NRXN3: variants seen among roughly 807,000 people sequenced by gnomAD.
The protein encoded by NRXN3 is neurexin III.
In NRXN3, 32 loss-of-function variants were observed where a neutral mutation model predicts 137.6. The observed-to-expected ratio is 0.23, with a 90% CI of 0.18 to 0.31. NRXN3 has a LOEUF of 0.31. Ranked by LOEUF, NRXN3 falls within the 10% of genes least tolerant of loss-of-function variation. NRXN3 has a pLI of 1.00. For synonymous variants in NRXN3, 798 were observed against 784.5 expected (o/e 1.02, Z -0.29); for missense variants, 1,574 against 2,062.5 (o/e 0.76, Z 4.59).
At chr14:78,804,671 A>T (rs2098850377) in intron 9 of NRXN3, among the ~76,000 whole-genome samples, 1 of 152,142 alleles carries the variant, frequency 6.6e-6, no homozygotes, top group Non-Finnish European at 1.5e-5. Context: ...AATCTTTAGA[A>T]ATTTTCCTTT....
rs2099345594 is a variant in NRXN3, at chr14:78,938,112, G to T, written c.2276-19130G>T. On this transcript the variant is annotated intron_variant, in intron 10 of 20. Coordinates refer to ENST00000335750, the MANE Select transcript of NRXN3 (RefSeq NM_001330195.2). ...ATACAGAAAGGATGAATACAGAGGA[G>T]ATCCTGTGCTGGACACATTCTCTGT... Among the ~76,000 whole-genome samples the T allele has an allele frequency of 4.6e-5, 7 of 152,364 alleles. No homozygotes were observed. In the South Asian group the frequency reaches 1.4e-3, roughly 32 times the overall value.
At chr14:78,863,492 T>C (rs950215875) in intron 10 of NRXN3, among the ~76,000 whole-genome samples, 1 of 152,086 alleles carries the variant, frequency 6.6e-6, no homozygotes, top group Non-Finnish European at 1.5e-5. Context: ...ATCAATCATA[T>C]GTGACAGATT....
chr14:78,992,047 G>A (rs529708671), intron 15 of NRXN3, among the ~76,000 whole-genome samples: 1 of 152,128 alleles, frequency 6.6e-6, no homozygotes, highest in Admixed American at 6.5e-5. Context: ...CCCTTGTATG[G>A]GGTTAGGAAA....
chr14:78,681,837 T>C (rs1221539765), intron 6 of NRXN3, among the ~76,000 whole-genome samples: 1 of 152,132 alleles, frequency 6.6e-6, no homozygotes, highest in African/African-American at 2.4e-5. Flanking sequence ...CTTTTCCTCA[T>C]TGCGTGATTG....
At chr14:78,418,863 A>T (rs547642466) in intron 4 of NRXN3, among the ~76,000 whole-genome samples, 7 of 152,240 alleles carry the variant, frequency 4.6e-5, no homozygotes, top group Non-Finnish European at 8.8e-5. Context: ...TATGTTACAG[A>T]TGAGGCACAG....
intron 16 of NRXN3, among the ~76,000 whole-genome samples, chr14:79,610,977 A>G (rs1471996817): frequency 2.0e-5 from 3 of 152,122 alleles, no homozygotes; most frequent in Non-Finnish European, 2.9e-5. Flanking sequence ...CCCCTTCTAG[A>G]GTATGGGGTT....
Position 78,757,127 on chromosome 14 carries a change from G to A in NRXN3, c.2044+41988G>A, listed in dbSNP as rs78361383. On this transcript the variant is annotated intron_variant, in intron 8 of 20. Coordinates refer to ENST00000335750, the MANE Select transcript of NRXN3 (RefSeq NM_001330195.2). The stretch of plus-strand genomic sequence containing the variant: ...AACAATGATTAAAATAGGATTCTGG[G>A]TGGAGCACAGTGCCTCACGCCTTTA... 1.1e-3 allele frequency among the ~76,000 whole-genome samples: 168 copies of A among 152,254 alleles called. 1 individual carries two copies. The highest frequency in any genetic ancestry group is 2.0e-3 in the Non-Finnish European group (139 of 68,028).
chr14:79,823,912 C>A, intron 20 of NRXN3: 1 of 450,680 alleles, frequency 2.2e-6, no homozygotes, highest in Non-Finnish European at 4.5e-6. Flanking sequence ...GACAAATTGT[C>A]CATGGATACA....
chr14:79,435,232 T>G (rs2095825628), intron 15 of NRXN3, among the ~76,000 whole-genome samples: 2 of 149,656 alleles, frequency 1.3e-5, no homozygotes, highest in Non-Finnish European at 1.5e-5. Context: ...CAGCAAGTAA[T>G]GAAGCAAGAA....
chr14:78,573,269 G>A (rs2096906601), intron 4 of NRXN3, among the ~76,000 whole-genome samples: 1 of 152,150 alleles, frequency 6.6e-6, no homozygotes, highest in Non-Finnish European at 1.5e-5. Context: ...TGGTACCACA[G>A]AGAGTAGAGT....
At chr14:79,756,374 C>T (rs1011899794) in intron 19 of NRXN3, among the ~76,000 whole-genome samples, 1 of 152,112 alleles carries the variant, frequency 6.6e-6, no homozygotes, top group African/African-American at 2.4e-5. Context: ...TTTTTCTTTT[C>T]TAGCTCTGAA....
chr14:78,593,312 C>G (rs758846210), intron 4 of NRXN3, among the ~76,000 whole-genome samples: 1 of 152,174 alleles, frequency 6.6e-6, no homozygotes, highest in Admixed American at 6.5e-5. Flanking sequence ...TGAGACTGCA[C>G]GAAGATAAAA....
At chr14:79,390,423 C>G (rs1306742694) in intron 15 of NRXN3, among the ~76,000 whole-genome samples, 1 of 152,078 alleles carries the variant, frequency 6.6e-6, no homozygotes, top group Non-Finnish European at 1.5e-5. Flanking sequence ...CATCCTCTGC[C>G]TACCTCTTTC....
At chr14:79,832,873 T>C (rs2099327833) in intron 20 of NRXN3, among the ~76,000 whole-genome samples, 1 of 152,182 alleles carries the variant, frequency 6.6e-6, no homozygotes, top group African/African-American at 2.4e-5. Context: ...TTCTTTTAGA[T>C]TAAAAGTTAT....
intron 4 of NRXN3, among the ~76,000 whole-genome samples, chr14:78,500,420 A>G (rs749327617): frequency 1.5e-4 from 23 of 152,160 alleles, no homozygotes; most frequent in Non-Finnish European, 2.9e-4. Flanking sequence ...TAAATGGTTA[A>G]TGATCTGGAA....
intron 15 of NRXN3, among the ~76,000 whole-genome samples, chr14:79,455,545 C>T (rs2096247026): frequency 6.6e-6 from 1 of 152,018 alleles, no homozygotes; most frequent in Admixed American, 6.6e-5. Flanking sequence ...ATCTCCTTTC[C>T]AATGGTGTCT....
intron 4 of NRXN3, among the ~76,000 whole-genome samples, chr14:78,624,110 C>G (rs2097431730): frequency 6.6e-6 from 1 of 152,226 alleles, no homozygotes; most frequent in Non-Finnish European, 1.5e-5. Context: ...CAGACACCTA[C>G]AGATTTGTTT....
chr14:79,851,354 A>G (rs1434454683), intron 20 of NRXN3, among the ~76,000 whole-genome samples: 1 of 152,022 alleles, frequency 6.6e-6, no homozygotes, highest in South Asian at 2.1e-4. Flanking sequence ...TTCTTTTTCT[A>G]TATTATTAAT....
intron 15 of NRXN3, among the ~76,000 whole-genome samples, chr14:79,141,431 G>GT: frequency 6.6e-6 from 1 of 152,272 alleles, no homozygotes; most frequent in East Asian, 1.9e-4. Context: ...GTTGATAAAT[G>GT]TAAGCTGCTA....
Sources: allele counts gnomAD v4.1 joint callset (sites outside exome capture counted in the v4.1 genomes callset), GRCh38; gene constraint gnomAD v4.1.1; transcripts MANE v1.5; gene names NCBI Gene and HGNC (gene_info 2026-07-23, HGNC 2026-07-21).